Variants in WNT9B observed in about 807,000 individuals in gnomAD.
WNT9B encodes the protein protein Wnt-9b.
WNT9B carries 12 observed loss-of-function variants against 30.2 expected under a neutral mutation model. The ratio of observed to expected loss-of-function variants is 0.40; its 90% CI spans 0.26 to 0.64. The LOEUF is 0.64. WNT9B is among the 30% of genes least tolerant of loss of function. WNT9B has a pLI of 0.42. For synonymous variants in WNT9B, 218 were observed against 216.9 expected (o/e 1.01, Z -0.05); for missense variants, 442 against 485.2 (o/e 0.91, Z 0.84).
At position 46,836,313 on chromosome 17, in the gene WNT9B, T is replaced by C. The variant is rs147260614; in HGVS notation, c.95+2873T>C. 2.7e-3 allele frequency among the ~76,000 whole-genome samples: 412 copies of C among 152,262 alleles called. 1 individual carries two copies. Among genetic ancestry groups the C allele is most frequent in the Middle Eastern group, 0.014 (4 of 294 alleles). The stretch of plus-strand genomic sequence containing the variant: ...CAGGGCTGCAGGGACATAATTGCAT[T>C]CCTTGGAACTGCTGTTTTTTGAACT... On this transcript the variant is annotated intron_variant, in intron 1 of 2. Coordinates refer to the WNT9B transcript ENST00000575372.
chr17:46,849,750 T>G (rs954434135), upstream of WNT9B, among the ~76,000 whole-genome samples: 1 of 151,834 alleles, frequency 6.6e-6, no homozygotes, highest in African/African-American at 2.4e-5. Flanking sequence ...CCATCAACCC[T>G]CCTTGAGAAC....
chr17:46,861,798 G>A (rs1215161543), intron 1 of WNT9B, among the ~76,000 whole-genome samples: 1 of 152,236 alleles, frequency 6.6e-6, no homozygotes, highest in Non-Finnish European at 1.5e-5. Context: ...CAAGACCAAA[G>A]GGTTTGTTTT....
At chr17:46,875,000 A>T in intron 2 of WNT9B, 101 bp from the exon 3 acceptor site, 1 of 1,580,792 alleles carries the variant, frequency 6.3e-7, no homozygotes, top group South Asian at 1.1e-5. Flanking sequence ...CGCTGCCACC[A>T]CCGCCTCTGG....
Position 46,872,760 on chromosome 17 carries a change from C to T in WNT9B, c.321C>T (p.Gly107=), listed in dbSNP as rs777445013. Residue 107 remains glycine, a synonymous_variant, in exon 2 of 4, where the codon GGC becomes GGT. Transcript: ENST00000290015. The part of the protein sequence containing the change: ...RWNCSLEGRM[G]LLKRGFKETA... The stretch of plus-strand genomic sequence containing the variant: ...ACTGTAGCCTGGAGGGCAGGATGGG[C>T]CTGCTCAAGAGAGGTGGGGAGGAGG... The T allele has an allele frequency of 3.7e-6, 6 of 1,607,148 alleles. No individual in the cohort carries two copies. In the South Asian group the frequency reaches 4.4e-5, roughly 12 times the overall value.
At chr17:46,858,372 C>G (rs2084974856) in intron 1 of WNT9B, among the ~76,000 whole-genome samples, 1 of 152,204 alleles carries the variant, frequency 6.6e-6, no homozygotes, top group African/African-American at 2.4e-5. Context: ...AGTGTATCAA[C>G]CTTTTCTTGT....
At position 46,869,371 on chromosome 17, in the gene WNT9B, G is replaced by A. The variant is rs1360783792; in HGVS notation, c.78-3146G>A. 1.3e-5 allele frequency among the ~76,000 whole-genome samples: 2 copies of A among 152,188 alleles called. 1 individual carries two copies. The highest frequency in any genetic ancestry group is 4.1e-4 in the South Asian group (2 of 4,834). Reference sequence around the variant, plus strand: ...CCATGCAGAGCTGGGCACCGTTTGAGACCCATTGCTCCCTCCAGGGTCTCT... The same window carrying A: ...CCATGCAGAGCTGGGCACCGTTTGAAACCCATTGCTCCCTCCAGGGTCTCT... On this transcript the variant is annotated intron_variant, in intron 1 of 3. Coordinates refer to ENST00000290015, the MANE Select transcript of WNT9B (RefSeq NM_003396.3).
At chr17:46,839,966 TTCTTTCTTTCTC>T (rs2084685842) in intron 1 of WNT9B, among the ~76,000 whole-genome samples, 1 of 135,386 alleles carries the variant, frequency 7.4e-6, no homozygotes, top group Admixed American at 7.6e-5. Context: ...CTTTCTTTCT[TTCTTTCTTTCTC>T]TTCTTTCTTT....
chr17:46,876,754 G>A lies in WNT9B; in HGVS notation c.*36G>A. ...CAGCAAGCCAGTCTGGCACTGCCAG[G>A]ACCTCCTGTGGCACCCTTCAAGCTG... On this transcript the variant is annotated 3_prime_UTR_variant, in exon 4 of 4. Transcript: ENST00000290015. 4.6e-6 allele frequency: 7 copies of A among 1,507,118 alleles called. No homozygotes were observed. Among genetic ancestry groups the A allele is most frequent in the Non-Finnish European group, 6.2e-6 (7 of 1,125,278 alleles). 93.4% of individuals were successfully genotyped at this position (1,507,118 alleles called of 1,614,324 possible).
At chr17:46,852,420 GT>G (rs1568119627) in intron 1 of WNT9B, among the ~76,000 whole-genome samples, 1 of 150,880 alleles carries the variant, frequency 6.6e-6, no homozygotes, top group Non-Finnish European at 1.5e-5. Context: ...GTGTGTGTGT[GT>G]GTGTGTGTGT....
At chr17:46,835,838 C>A (rs1395389361) in intron 1 of WNT9B, among the ~76,000 whole-genome samples, 3 of 152,248 alleles carry the variant, frequency 2.0e-5, no homozygotes, top group Non-Finnish European at 4.4e-5. Context: ...ACCTCTGCAC[C>A]CCTGCCTAGC....
intron 1 of WNT9B, among the ~76,000 whole-genome samples, chr17:46,852,389 AGT>A (rs61138160): frequency 0.14 from 14,659 of 104,974 alleles, 998 homozygotes; most frequent in Non-Finnish European, 0.16. Flanking sequence ...GAGAGGGCCC[AGT>A]GTGTGTGTGT....
chr17:46,875,508 T>C, intron 3 of WNT9B, 142 bp downstream of exon 3: 1 of 1,194,512 alleles, frequency 8.4e-7, no homozygotes. Context: ...ACTTCACGTC[T>C]TCAACCAGCA....
At chr17:46,866,494 G>A (rs1404230721) in intron 1 of WNT9B, among the ~76,000 whole-genome samples, 1 of 152,020 alleles carries the variant, frequency 6.6e-6, no homozygotes, top group African/African-American at 2.4e-5. Flanking sequence ...GTGTGTGTAG[G>A]GGGATCAGTG....
intron 1 of WNT9B, among the ~76,000 whole-genome samples, chr17:46,872,004 C>G (rs2085252749): frequency 6.6e-6 from 1 of 152,184 alleles, no homozygotes; most frequent in Non-Finnish European, 1.5e-5. Flanking sequence ...GTCAGGGGAC[C>G]TTGGCTGGGT....
At chr17:46,846,171 G>A (rs1568116549) in intron 1 of WNT9B, among the ~76,000 whole-genome samples, 1 of 152,178 alleles carries the variant, frequency 6.6e-6, no homozygotes, top group East Asian at 1.9e-4. Flanking sequence ...ACTGCTCAAA[G>A]CACTCCTGCT....
chr17:46,864,291 G>A (rs971486078), intron 1 of WNT9B, among the ~76,000 whole-genome samples: 1 of 152,152 alleles, frequency 6.6e-6, no homozygotes, highest in South Asian at 2.1e-4. Flanking sequence ...GCCATGATTT[G>A]CCTTTCCCTG....
chr17:46,873,267 C>T (rs1177687032), intron 2 of WNT9B, among the ~76,000 whole-genome samples: 2 of 152,088 alleles, frequency 1.3e-5, no homozygotes, highest in Non-Finnish European at 2.9e-5. Flanking sequence ...TCAGTCCCTC[C>T]TTCCCTTCCA....
intron 1 of WNT9B, among the ~76,000 whole-genome samples, chr17:46,844,032 C>A (rs2084744965): frequency 6.6e-6 from 1 of 152,206 alleles, no homozygotes; most frequent in Non-Finnish European, 1.5e-5. Context: ...TGGCTCATTG[C>A]AGTTGCAACT....
At chr17:46,844,305 CTT>C (rs34889221) in intron 1 of WNT9B, among the ~76,000 whole-genome samples, 2,926 of 127,366 alleles carry the variant, frequency 0.023, 40 homozygotes, top group African/African-American at 0.057. Flanking sequence ...AGTTAGCCAC[CTT>C]TTTTTTTTTT....
Sources: gnomAD v4.1 joint callset for allele counts (sites outside exome capture counted in the v4.1 genomes callset) on GRCh38, gnomAD v4.1.1 for gene constraint, MANE v1.5 for transcripts, NCBI Gene and HGNC (gene_info 2026-07-23, HGNC 2026-07-21) for gene names.